The following MCC variants were observed in gnomAD, a reference collection of about 807,000 sequenced individuals.
MCC encodes the protein colorectal mutant cancer protein.
Under a neutral mutation model 116.2 loss-of-function variants are expected in MCC, and 90 were observed. The observed-to-expected ratio is 0.77, with a 90% CI of 0.65 to 0.92. MCC has a LOEUF of 0.92. MCC is among the 40% of genes least tolerant of loss of function. The probability of loss-of-function intolerance (pLI) is 0.00; values close to 1 mark genes in which losing one functional copy is unlikely to be tolerated. For missense variants in MCC, 1,516 were observed against 1,312.2 expected (o/e 1.16, Z -2.40); for synonymous variants, 578 against 510.5 (o/e 1.13, Z -1.78).
chr5:113,451,756 C>A (rs768392015), intron 1 of MCC, among the ~76,000 whole-genome samples: 41 of 152,202 alleles, frequency 2.7e-4, no homozygotes, highest in Non-Finnish European at 4.6e-4. Context: ...GAAGGAAAAA[C>A]TGAGGCTTGG....
At chr5:113,093,461 ATCTG>A (rs756954338) in intron 8 of MCC, among the ~76,000 whole-genome samples, 6 of 148,570 alleles carry the variant, frequency 4.0e-5, no homozygotes, top group Non-Finnish European at 7.4e-5. Flanking sequence ...TTATCTATCT[ATCTG>A]TTGATCTCTC....
At chr5:113,235,244 T>G (rs1764085961) in intron 3 of MCC, among the ~76,000 whole-genome samples, 1 of 152,196 alleles carries the variant, frequency 6.6e-6, no homozygotes, top group Admixed American at 6.5e-5. Flanking sequence ...TCTGGGTTCT[T>G]CAAAAGTCTG....
intron 3 of MCC, chr5:113,204,487 A>G (rs1762825113): frequency 1.3e-5 from 2 of 152,262 alleles, no homozygotes. Flanking sequence ...TACACCAAAT[A>G]AAATTTATTT....
At chr5:113,288,059 C>T (rs75600511) in intron 3 of MCC, among the ~76,000 whole-genome samples, 1 of 152,362 alleles carries the variant, frequency 6.6e-6, no homozygotes, top group East Asian at 1.9e-4. Context: ...GCCAAACGAA[C>T]CATCTCTGTG....
intron 1 of MCC, among the ~76,000 whole-genome samples, chr5:113,395,943 A>C (rs552282205): frequency 6.6e-6 from 1 of 152,290 alleles, no homozygotes; most frequent in Non-Finnish European, 1.5e-5. Context: ...TATTTGTTAA[A>C]AGGCTTCCTA....
chr5:113,318,943 C>A (rs10036581), intron 3 of MCC, among the ~76,000 whole-genome samples: 1 of 152,012 alleles, frequency 6.6e-6, no homozygotes, highest in Non-Finnish European at 1.5e-5. Flanking sequence ...CTCAGCTTAC[C>A]GCAACCTCCA....
At chr5:113,071,754 C>T (rs1754058447) in intron 11 of MCC, among the ~76,000 whole-genome samples, 1 of 152,170 alleles carries the variant, frequency 6.6e-6, no homozygotes, top group Non-Finnish European at 1.5e-5. Flanking sequence ...AGTATCTTGC[C>T]CTGGGATTTG....
intron 5 of MCC, among the ~76,000 whole-genome samples, chr5:113,126,887 T>A (rs1323092530): frequency 6.6e-6 from 1 of 152,198 alleles, no homozygotes; most frequent in East Asian, 1.9e-4. Flanking sequence ...TTTAAACTCT[T>A]ATTTTAGGTT....
chr5:113,372,554 C>A (rs1409397347), intron 2 of MCC, among the ~76,000 whole-genome samples: 1 of 152,108 alleles, frequency 6.6e-6, no homozygotes, highest in Non-Finnish European at 1.5e-5. Context: ...GTTTTTCCTT[C>A]TGTCTGCAGT....
intron 2 of MCC, among the ~76,000 whole-genome samples, chr5:113,345,148 G>T (rs1423677457): frequency 1.3e-5 from 2 of 152,196 alleles, no homozygotes; most frequent in African/African-American, 4.8e-5. Flanking sequence ...GGTCAGTGGT[G>T]GTGGCCACTG....
rs373675370 is a variant in MCC, at chr5:113,143,358, G to C, written c.744C>G (p.Cys248Trp). The change falls in exon 5 of 19, where the codon TGC becomes TGG. Residue 248 changes from cysteine to tryptophan, a missense_variant and splice_region_variant. Coordinates refer to ENST00000408903, the MANE Select transcript of MCC (RefSeq NM_001085377.2). ...LLEKKLAKAQCEQSHLMREHE... is the reference protein window; with the variant it reads ...LLEKKLAKAQWEQSHLMREHE... ...GCTCTCTCATGAGGTGGGACTGCTC[G>C]CACTGGGAATAAGGGAAAAGGACAG... The C allele has an allele frequency of 6.2e-7, 1 of 1,613,518 alleles. No homozygotes were observed. The highest frequency in any genetic ancestry group is 1.1e-5 in the South Asian group (1 of 90,946).
intron 8 of MCC, among the ~76,000 whole-genome samples, chr5:113,092,576 C>A (rs1755715412): frequency 6.6e-6 from 1 of 152,084 alleles, no homozygotes; most frequent in Non-Finnish European, 1.5e-5. Context: ...AAAATAAAGA[C>A]CCTCTCAAAG....
At chr5:113,413,593 T>C (rs1483678656) in intron 1 of MCC, among the ~76,000 whole-genome samples, 1 of 152,238 alleles carries the variant, frequency 6.6e-6, no homozygotes, top group East Asian at 1.9e-4. Context: ...TGGTAGTTTG[T>C]ATTTCTGTGG....
chr5:113,462,062 A>C (rs1771759297), intron 1 of MCC, among the ~76,000 whole-genome samples: 1 of 152,220 alleles, frequency 6.6e-6, no homozygotes, highest in African/African-American at 2.4e-5. Context: ...AATGCCCACA[A>C]AAAAAATTAG....
At chr5:113,120,796 T>G (rs1757691711) in intron 6 of MCC, among the ~76,000 whole-genome samples, 1 of 152,256 alleles carries the variant, frequency 6.6e-6, no homozygotes, top group South Asian at 2.1e-4. Context: ...GCAAACACCC[T>G]GATGTCTCCC....
chr5:113,123,393 G>C (rs750963164), intron 5 of MCC, among the ~76,000 whole-genome samples: 1 of 152,222 alleles, frequency 6.6e-6, no homozygotes, highest in Non-Finnish European at 1.5e-5. Flanking sequence ...CCCAAAGAAA[G>C]TAGGTAGAAC....
intron 5 of MCC, among the ~76,000 whole-genome samples, chr5:113,139,405 C>G (rs1464725748): frequency 1.3e-5 from 2 of 152,208 alleles, no homozygotes; most frequent in South Asian, 4.2e-4. Flanking sequence ...AAAGTCCTAT[C>G]AATAAAGTCG....
chr5:113,251,670 G>C (rs1431762937), intron 3 of MCC, among the ~76,000 whole-genome samples: 1 of 152,136 alleles, frequency 6.6e-6, no homozygotes, highest in Non-Finnish European at 1.5e-5. Context: ...TCTCAAAAAA[G>C]GCGATAAATT....
At chr5:113,371,868 GA>G (rs2150389059) in intron 2 of MCC, among the ~76,000 whole-genome samples, 1 of 152,318 alleles carries the variant, frequency 6.6e-6, no homozygotes, top group East Asian at 1.9e-4. Flanking sequence ...TCTGTAGAAT[GA>G]ACAATGGACA....
Sources: allele counts gnomAD v4.1 joint callset (sites outside exome capture counted in the v4.1 genomes callset), GRCh38; gene constraint gnomAD v4.1.1; transcripts MANE v1.5; gene names NCBI Gene and HGNC (gene_info 2026-07-23, HGNC 2026-07-21).